SGCZ: variants seen among roughly 807,000 people sequenced by gnomAD.
SGCZ encodes zeta-sarcoglycan.
SGCZ carries 40 observed loss-of-function variants against 41.3 expected under a neutral mutation model. The observed-to-expected ratio is 0.97, with a 90% CI of 0.75 to 1.26. The LOEUF (loss-of-function observed/expected upper bound fraction) is 1.26. Ranked by LOEUF, SGCZ falls within the 50% of genes most tolerant of loss-of-function variation. SGCZ has a pLI of 0.00. For synonymous variants in SGCZ, 206 were observed against 137.5 expected, an observed-to-expected ratio of 1.50 and a Z score of -3.49; for missense variants, 552 against 369.8, an observed-to-expected ratio of 1.49 and a Z score of -4.04.
chr8:14,844,826 C>T (rs893980735), intron 1 of SGCZ, among the ~76,000 whole-genome samples: 2 of 152,112 alleles, frequency 1.3e-5, no homozygotes, highest in East Asian at 3.9e-4. Context: ...GGACATTAGG[C>T]CATATAGGAC....
chr8:14,627,532 A>C lies in SGCZ; in HGVS notation c.40-72606T>G, dbSNP rs531874775. Among the ~76,000 whole-genome samples, 25 of 152,304 alleles carry C rather than the reference A, an allele frequency of 1.6e-4. No homozygotes were observed. The South Asian group carries it at 5.2e-3, about 32-fold the overall frequency. ...AGTCCTCTAGCATCATAAGATAGAA[A>C]GATCCTGAAAACATTATTTACCATT... On this transcript the variant is annotated intron_variant, in intron 1 of 7. Coordinates refer to ENST00000382080, the MANE Select transcript of SGCZ (RefSeq NM_139167.4).
intron 2 of SGCZ, among the ~76,000 whole-genome samples, chr8:14,423,657 G>A (rs975396171): frequency 2.0e-5 from 3 of 152,158 alleles, no homozygotes; most frequent in South Asian, 2.1e-4. Flanking sequence ...CAGGTGATCC[G>A]CCTGCCTTGG....
chr8:15,059,717 A>C (rs1253777445), intron 1 of SGCZ, among the ~76,000 whole-genome samples: 1 of 152,232 alleles, frequency 6.6e-6, no homozygotes, highest in African/African-American at 2.4e-5. Context: ...ATGAATCATC[A>C]AAAGTATGGG....
At chr8:14,395,044 C>T (rs143699698) in intron 2 of SGCZ, among the ~76,000 whole-genome samples, 1 of 152,242 alleles carries the variant, frequency 6.6e-6, no homozygotes, top group Non-Finnish European at 1.5e-5. Flanking sequence ...CTACCTCAGA[C>T]AATTCTGAAG....
intron 1 of SGCZ, among the ~76,000 whole-genome samples, chr8:14,851,392 A>AAAAAAAG (rs1361572933): frequency 6.8e-6 from 1 of 146,124 alleles, no homozygotes; most frequent in Admixed American, 6.9e-5. Context: ...AAAAAAAAAG[A>AAAAAAAG]AAAAAAGAAA....
chr8:14,843,471 A>T (rs1052852601), intron 1 of SGCZ, among the ~76,000 whole-genome samples: 1 of 152,198 alleles, frequency 6.6e-6, no homozygotes, highest in African/African-American at 2.4e-5. Flanking sequence ...GAATCTTGTT[A>T]AGTGCTTACT....
intron 2 of SGCZ, among the ~76,000 whole-genome samples, chr8:14,469,106 A>C (rs1371479267): frequency 6.6e-6 from 1 of 152,046 alleles, no homozygotes; most frequent in Non-Finnish European, 1.5e-5. Context: ...AGTCACCACC[A>C]CCACTTTTCC....
chr8:14,523,620 G>A (rs1802854255), intron 2 of SGCZ, among the ~76,000 whole-genome samples: 1 of 151,942 alleles, frequency 6.6e-6, no homozygotes, highest in Non-Finnish European at 1.5e-5. Context: ...TTACTTTCTA[G>A]AAGCTTGCCT....
At chr8:14,600,596 A>G (rs2117311014) in intron 1 of SGCZ, among the ~76,000 whole-genome samples, 1 of 152,278 alleles carries the variant, frequency 6.6e-6, no homozygotes, top group South Asian at 2.1e-4. Context: ...ATGCAGGTAT[A>G]ATCCATTAGC....
At chr8:14,157,543 A>G (rs1803915050) in intron 5 of SGCZ, among the ~76,000 whole-genome samples, 1 of 151,486 alleles carries the variant, frequency 6.6e-6, no homozygotes, top group South Asian at 2.1e-4. Flanking sequence ...ATTTTAAATA[A>G]CATTACTGTT....
intron 1 of SGCZ, among the ~76,000 whole-genome samples, chr8:14,930,406 A>G (rs952354823): frequency 6.6e-6 from 1 of 152,092 alleles, no homozygotes; most frequent in Non-Finnish European, 1.5e-5. Context: ...AATTAGTTCA[A>G]CCATTGTGGA....
At chr8:14,550,512 T>C (rs1384947512) in intron 2 of SGCZ, among the ~76,000 whole-genome samples, 3 of 151,998 alleles carry the variant, frequency 2.0e-5, no homozygotes, top group African/African-American at 4.8e-5. Flanking sequence ...ATAAATAGTT[T>C]AAAGTGTCAG....
At chr8:14,798,149 G>A (rs777677754) in intron 1 of SGCZ, among the ~76,000 whole-genome samples, 7 of 152,048 alleles carry the variant, frequency 4.6e-5, no homozygotes, top group South Asian at 2.1e-4. Flanking sequence ...ATTATTAGTT[G>A]GCCATTTTAC....
intron 1 of SGCZ, among the ~76,000 whole-genome samples, chr8:15,098,545 C>T (rs1806476676): frequency 6.6e-6 from 1 of 152,182 alleles, no homozygotes; most frequent in South Asian, 2.1e-4. Flanking sequence ...GTAAGTATAT[C>T]TTATAAAATG....
intron 1 of SGCZ, among the ~76,000 whole-genome samples, chr8:15,213,356 G>T (rs1378004465): frequency 6.6e-6 from 1 of 150,594 alleles, no homozygotes; most frequent in Admixed American, 6.6e-5. Flanking sequence ...TTTCCCTTTG[G>T]GTAATTATAT....
At chr8:14,567,970 G>A (rs866454636) in intron 1 of SGCZ, among the ~76,000 whole-genome samples, 39 of 152,190 alleles carry the variant, frequency 2.6e-4, no homozygotes, top group Admixed American at 1.6e-3. Flanking sequence ...CGCTCACCGC[G>A]AGGGTCCGCG....
intron 1 of SGCZ, among the ~76,000 whole-genome samples, chr8:14,881,800 C>G (rs1484256440): frequency 6.6e-6 from 1 of 152,200 alleles, no homozygotes. Context: ...CCACATGGCA[C>G]TTACTCTAAA....
chr8:14,953,687 C>T (rs1309733125), intron 1 of SGCZ, among the ~76,000 whole-genome samples: 1 of 152,140 alleles, frequency 6.6e-6, no homozygotes, highest in African/African-American at 2.4e-5. Flanking sequence ...TATACTGGGA[C>T]TCAATTTCCC....
rs149589091 is a variant in SGCZ, at chr8:14,134,262, T to C, written c.548-26027A>G. Among the ~76,000 whole-genome samples, 847 of 152,322 alleles carry C rather than the reference T, an allele frequency of 5.6e-3. 5 individuals are homozygous for C. The highest frequency in any genetic ancestry group is 0.019 in the African/African-American group (805 of 41,572). On this transcript the variant is annotated intron_variant, in intron 5 of 7. Coordinates refer to ENST00000382080, the MANE Select transcript of SGCZ (RefSeq NM_139167.4). ...AATTTTACAAATTCAATAATTAGAA[T>C]ATTTTCCATAAACTAGTACCTCATC... is the stretch of plus-strand genomic sequence containing the variant.
Sources: allele counts gnomAD v4.1 joint callset (sites outside exome capture counted in the v4.1 genomes callset), GRCh38; gene constraint gnomAD v4.1.1; transcripts MANE v1.5; gene names NCBI Gene and HGNC (gene_info 2026-07-23, HGNC 2026-07-21).